The following TTC29 variants were observed in gnomAD, a reference collection of about 807,000 sequenced individuals.
The protein encoded by TTC29 is tetratricopeptide repeat domain 29, also known as tetratricopeptide repeat protein 29.
A neutral mutation model predicts 58.1 loss-of-function variants in TTC29; 49 were observed. That is an observed-to-expected ratio of 0.84 (90% CI 0.67 to 1.07). TTC29 has a LOEUF of 1.07. Ranked by LOEUF, TTC29 falls within the 50% of genes least tolerant of loss-of-function variation. TTC29 has a pLI of 0.00. For synonymous variants in TTC29, 209 were observed against 196.8 expected, an observed-to-expected ratio of 1.06 and a Z score of -0.52; for missense variants, 582 against 555.6, an observed-to-expected ratio of 1.05 and a Z score of -0.48.
At chr4:146,896,672 ATAT>A (rs1269968090) in intron 6 of TTC29, among the ~76,000 whole-genome samples, 1 of 152,094 alleles carries the variant, frequency 6.6e-6, no homozygotes, top group African/African-American at 2.4e-5. Context: ...AGGAACTTCC[ATAT>A]TTGTCGTCTT....
chr4:146,933,600 C>G (rs528287244), intron 4 of TTC29, among the ~76,000 whole-genome samples: 1 of 152,164 alleles, frequency 6.6e-6, no homozygotes, highest in East Asian at 1.9e-4. Flanking sequence ...AGCAGTGAAC[C>G]ATTTGAAGTT....
At chr4:146,801,036 G>T (rs1265299389) in intron 11 of TTC29, among the ~76,000 whole-genome samples, 1 of 152,130 alleles carries the variant, frequency 6.6e-6, no homozygotes, top group Non-Finnish European at 1.5e-5. Context: ...TCCTGGATGG[G>T]GCTAGAACTG....
At chr4:146,786,135 G>A (rs1045734635) in intron 11 of TTC29, among the ~76,000 whole-genome samples, 2 of 152,140 alleles carry the variant, frequency 1.3e-5, no homozygotes, top group Admixed American at 6.5e-5. Context: ...AAACTTATGA[G>A]TGGAGTTGTT....
chr4:146,902,919 G>A (rs928390671), intron 6 of TTC29, among the ~76,000 whole-genome samples: 3 of 152,094 alleles, frequency 2.0e-5, no homozygotes, highest in Admixed American at 1.3e-4. Context: ...CATTATTCAA[G>A]ATCAAATCTT....
chr4:146,815,885 A>G (rs1386006700), intron 10 of TTC29, among the ~76,000 whole-genome samples: 2 of 152,214 alleles, frequency 1.3e-5, no homozygotes, highest in Admixed American at 6.5e-5. Context: ...ACCCAAACCC[A>G]GCCCTTCTGT....
chr4:146,928,521 A>G (rs1735090632), intron 4 of TTC29, among the ~76,000 whole-genome samples: 1 of 152,174 alleles, frequency 6.6e-6, no homozygotes, highest in African/African-American at 2.4e-5. Flanking sequence ...CTGGGATGAG[A>G]CTGGCCTTAA....
At chr4:146,724,444 T>A (rs1010872901) in intron 11 of TTC29, among the ~76,000 whole-genome samples, 3 of 152,232 alleles carry the variant, frequency 2.0e-5, no homozygotes, top group Admixed American at 2.0e-4. Context: ...TATTTGCTCC[T>A]TTTACAAGGA....
At chr4:146,923,060 A>T (rs372254674) in intron 4 of TTC29, among the ~76,000 whole-genome samples, 1 of 151,844 alleles carries the variant, frequency 6.6e-6, no homozygotes, top group Non-Finnish European at 1.5e-5. Context: ...GTGCTAGAGC[A>T]TTGAAACGGA....
intron 9 of TTC29, among the ~76,000 whole-genome samples, chr4:146,828,367 G>A (rs1403117702): frequency 6.6e-6 from 1 of 151,704 alleles, no homozygotes; most frequent in African/African-American, 2.4e-5. Flanking sequence ...GGCTAAAAAT[G>A]TTCTATCAAA....
chr4:146,937,552 A>G (rs1274188186), intron 4 of TTC29, 42 bp downstream of exon 4: 1 of 1,267,196 alleles, frequency 7.9e-7, no homozygotes, highest in Non-Finnish European at 1.1e-6. Flanking sequence ...AAGACAAAAG[A>G]AACAAACTTT....
chr4:146,841,799 T>G (rs1728868009), intron 8 of TTC29, among the ~76,000 whole-genome samples: 1 of 152,038 alleles, frequency 6.6e-6, no homozygotes, highest in South Asian at 2.1e-4. Context: ...TCTACTGAGC[T>G]GACTGATGGT....
At chr4:146,876,210 C>CATGT (rs1228250549) in intron 6 of TTC29, among the ~76,000 whole-genome samples, 1 of 152,146 alleles carries the variant, frequency 6.6e-6, no homozygotes, top group African/African-American at 2.4e-5. Context: ...TGAATTCATG[C>CATGT]ATGTACAATT....
At chr4:146,810,404 T>TA (rs931298088) in intron 10 of TTC29, among the ~76,000 whole-genome samples, 1 of 151,984 alleles carries the variant, frequency 6.6e-6, no homozygotes, top group Non-Finnish European at 1.5e-5. Context: ...AAAGTATATA[T>TA]AAAAAAAGTC....
intron 4 of TTC29, among the ~76,000 whole-genome samples, chr4:146,917,082 T>C (rs1456256050): frequency 6.6e-6 from 1 of 151,206 alleles, no homozygotes; most frequent in African/African-American, 2.4e-5. Context: ...TTGTATCTCA[T>C]ACATCCACCA....
Position 146,939,880 on chromosome 4 carries a change from G to A in TTC29, c.16C>T (p.Pro6Ser), listed in dbSNP as rs1462881132. The A allele has an allele frequency of 1.2e-6, 2 of 1,611,648 alleles. No homozygotes were observed. The highest frequency in any genetic ancestry group is 1.7e-6 in the Non-Finnish European group (2 of 1,179,306). Residue 6 changes from proline (P) to serine (S), a missense_variant, in exon 3 of 13, where the codon CCA becomes TCA. Transcript: ENST00000325106. ...AGCTTCGGGCGTGTCATGGGCAGTG[G>A]GGGCAGGGTGGTCATTTCGGACTAC... MTTLPPLPMTRPKLTA... is the reference protein window; with the variant it reads MTTLPSLPMTRPKLTA...
chr4:146,791,503 C>T (rs1180492205), intron 11 of TTC29, among the ~76,000 whole-genome samples: 2 of 152,090 alleles, frequency 1.3e-5, no homozygotes, highest in Non-Finnish European at 2.9e-5. Context: ...CTGACTGCTC[C>T]ACTGACCAGC....
At chr4:146,872,044 GT>G (rs1730967458) in intron 7 of TTC29, among the ~76,000 whole-genome samples, 1 of 152,062 alleles carries the variant, frequency 6.6e-6, no homozygotes. Flanking sequence ...GTAGTTGTAA[GT>G]TAGACAAGAG....
At chr4:146,923,410 T>C (rs10519840) in intron 4 of TTC29, among the ~76,000 whole-genome samples, 34,437 of 151,270 alleles carry the variant, frequency 0.23, 4,185 homozygotes, top group Admixed American at 0.3. Context: ...GAAGAATAGT[T>C]CAAAATAGAA....
At chr4:146,842,609 A>G (rs1728918166) in intron 8 of TTC29, among the ~76,000 whole-genome samples, 1 of 152,160 alleles carries the variant, frequency 6.6e-6, no homozygotes, top group Admixed American at 6.6e-5. Context: ...AAGAGCATCA[A>G]ACAGATTTCT....
Sources: gnomAD v4.1 joint callset for allele counts (sites outside exome capture counted in the v4.1 genomes callset) on GRCh38, gnomAD v4.1.1 for gene constraint, MANE v1.5 for transcripts, NCBI Gene and HGNC (gene_info 2026-07-23, HGNC 2026-07-21) for gene names.